The following GMPR variants were observed in gnomAD, a reference collection of about 807,000 sequenced individuals.
GMPR encodes the protein guanosine monophosphate reductase.
Under a neutral mutation model 38.4 loss-of-function variants are expected in GMPR, and 31 were observed. That is an observed-to-expected ratio of 0.81 (90% CI 0.61 to 1.09). The LOEUF (loss-of-function observed/expected upper bound fraction) is 1.09, where lower values mean the gene tolerates loss of function less well. Ranked by LOEUF, GMPR falls within the 50% of genes least tolerant of loss-of-function variation. GMPR has a pLI of 0.00. For synonymous variants in GMPR, 162 were observed against 173.3 expected, an observed-to-expected ratio of 0.93 and a Z score of 0.51; for missense variants, 468 against 453.7, an observed-to-expected ratio of 1.03 and a Z score of -0.29.
At chr6:16,269,241 T>C (rs988004725) in intron 4 of GMPR, among the ~76,000 whole-genome samples, 3 of 152,120 alleles carry the variant, frequency 2.0e-5, no homozygotes, top group Admixed American at 6.6e-5. Context: ...AGTGGGTACA[T>C]CCACCCCCAT....
rs902996248 is a variant in GMPR, at chr6:16,278,823, A to G, written c.587A>G (p.Tyr196Cys). Residue 196 changes from tyrosine (Y) to cysteine (C), a missense_variant, in exon 6 of 9, where the codon TAC becomes TGC. By Grantham distance (194) the Tyr-to-Cys change is radical (BLOSUM62 -2). Transcript: ENST00000259727. ...ACCCGCACCAAGACGGGAGTGGGGT[A>G]CCCCCAGCTGAGTGCCGTCATTGAG... ...CTTRTKTGVG[Y>C]PQLSAVIECA... is the part of the protein sequence containing the mutation. 2 of 1,613,866 alleles carry G rather than the reference A, an allele frequency of 1.2e-6. No homozygotes were observed. The highest frequency in any genetic ancestry group is 2.7e-5 in the African/African-American group (2 of 74,918).
chr6:16,291,130 C>T (rs1312141136), intron 8 of GMPR, among the ~76,000 whole-genome samples: 12 of 152,186 alleles, frequency 7.9e-5, no homozygotes, highest in South Asian at 4.1e-4. Flanking sequence ...CTCCAGGCTC[C>T]GAGAGCCGAC....
intron 8 of GMPR, among the ~76,000 whole-genome samples, chr6:16,293,413 A>G (rs9383149): frequency 6.6e-6 from 1 of 152,310 alleles, no homozygotes; most frequent in African/African-American, 2.4e-5. Flanking sequence ...GGGTATGGCC[A>G]ATGACTGGCT....
At chr6:16,261,721 G>T (rs1407423074) in intron 4 of GMPR, among the ~76,000 whole-genome samples, 1 of 151,996 alleles carries the variant, frequency 6.6e-6, no homozygotes, top group Non-Finnish European at 1.5e-5. Context: ...TTCAAAGCAT[G>T]CTGTGGGATG....
At chr6:16,265,063 C>T (rs538860085) in intron 4 of GMPR, among the ~76,000 whole-genome samples, 19 of 152,086 alleles carry the variant, frequency 1.2e-4, no homozygotes, top group Non-Finnish European at 2.2e-4. Flanking sequence ...AATGTGTTCT[C>T]GGGTACATTC....
chr6:16,290,040 A>T (rs1337352739), intron 7 of GMPR: 1 of 158,104 alleles, frequency 6.3e-6, no homozygotes, highest in African/African-American at 2.4e-5. Flanking sequence ...GCTGGTCTTG[A>T]ACTCCTGATC....
chr6:16,243,036 C>T (rs899212159), intron 1 of GMPR, among the ~76,000 whole-genome samples: 1 of 151,954 alleles, frequency 6.6e-6, no homozygotes, highest in African/African-American at 2.4e-5. Context: ...GTCACATTTA[C>T]AGGTACTGGA....
At chr6:16,255,365 T>G (rs959079407) in intron 4 of GMPR, among the ~76,000 whole-genome samples, 2 of 152,158 alleles carry the variant, frequency 1.3e-5, no homozygotes, top group African/African-American at 4.8e-5. Flanking sequence ...GAGAGTGTAT[T>G]TTAAGATTGA....
At chr6:16,291,604 G>C (rs990733969) in intron 8 of GMPR, among the ~76,000 whole-genome samples, 7 of 152,062 alleles carry the variant, frequency 4.6e-5, no homozygotes, top group Non-Finnish European at 7.4e-5. Flanking sequence ...CTGTCTGCAT[G>C]TGTGTTTTAA....
chr6:16,239,184 G>C (rs769752187), intron 1 of GMPR, among the ~76,000 whole-genome samples: 4 of 152,218 alleles, frequency 2.6e-5, no homozygotes, highest in Non-Finnish European at 5.9e-5. Context: ...GCGTCTCCTA[G>C]TGCTGATAAT....
Position 16,292,613 on chromosome 6 carries a change from A to G in GMPR, c.857+1992A>G, listed in dbSNP as rs1458056911. Among the ~76,000 whole-genome samples the G allele has an allele frequency of 1.3e-5, 2 of 152,160 alleles. 1 individual carries two copies. Among genetic ancestry groups the G allele is most frequent in the African/African-American group, 4.8e-5 (2 of 41,432 alleles). On this transcript the variant is annotated intron_variant, in intron 8 of 8. Transcript: ENST00000259727. Reference sequence around the variant, plus strand: ...CTATGTTCAAGAAGCTTCGTGCTTTACCAGCAACTGTTGTCATCATCCAAG... The same window carrying G: ...CTATGTTCAAGAAGCTTCGTGCTTTGCCAGCAACTGTTGTCATCATCCAAG...
chr6:16,262,880 T>C (rs1429591956), intron 4 of GMPR: 5 of 151,670 alleles, frequency 3.3e-5, no homozygotes, highest in African/African-American at 4.8e-5. Flanking sequence ...TGCCTTTAGC[T>C]CCAGCCACCT....
intron 4 of GMPR, 79 bp from the exon 5 acceptor site, chr6:16,274,336 C>G: frequency 3.3e-6 from 3 of 898,746 alleles, no homozygotes; most frequent in Non-Finnish European, 5.6e-6. Flanking sequence ...TGCACATCCT[C>G]GTGTTCAGGT....
rs557231442 is a variant in GMPR at position 16,253,002 on chromosome 6, A to C, written c.292-1560A>C. ...CCAGGGTTTAGAGATAAGAGTTAAA[A>C]TATAAACAATCCATGTCTTAGTTTC... On this transcript the variant is annotated intron_variant, in intron 3 of 8. Transcript: ENST00000259727. 2.0e-5 allele frequency among the ~76,000 whole-genome samples: 3 copies of C among 152,390 alleles called. No individual in the cohort carries two copies. The South Asian group carries it at 6.2e-4, about 32-fold the overall frequency.
intron 7 of GMPR, chr6:16,289,438 C>G (rs1044288710): frequency 2.6e-5 from 4 of 152,278 alleles, no homozygotes; most frequent in Non-Finnish European, 4.4e-5. Context: ...AATCATTCAG[C>G]GTCTATCATG....
chr6:16,251,521 G>A (rs1168774222), intron 3 of GMPR, among the ~76,000 whole-genome samples: 6 of 152,200 alleles, frequency 3.9e-5, no homozygotes, highest in African/African-American at 1.2e-4. Flanking sequence ...AGTTAGCCAC[G>A]ATTGTGCCAT....
intron 1 of GMPR, among the ~76,000 whole-genome samples, chr6:16,241,540 G>A (rs1758648139): frequency 6.6e-6 from 1 of 152,190 alleles, no homozygotes; most frequent in African/African-American, 2.4e-5. Context: ...CCCCTGGCAT[G>A]GAAGAATAAA....
intron 4 of GMPR, among the ~76,000 whole-genome samples, chr6:16,260,065 G>T (rs557079217): frequency 1.3e-5 from 2 of 150,276 alleles, no homozygotes; most frequent in South Asian, 4.2e-4. Flanking sequence ...AAAAAGGAGC[G>T]TCTATACAGG....
intron 4 of GMPR, among the ~76,000 whole-genome samples, chr6:16,267,006 G>T (rs185252249): frequency 6.6e-6 from 1 of 151,322 alleles, no homozygotes; most frequent in African/African-American, 2.4e-5. Flanking sequence ...CTCTGGGTGC[G>T]CCACCTTTAA....
Sources: allele counts gnomAD v4.1 joint callset (sites outside exome capture counted in the v4.1 genomes callset), GRCh38; gene constraint gnomAD v4.1.1; transcripts MANE v1.5; gene names NCBI Gene and HGNC (gene_info 2026-07-23, HGNC 2026-07-21).